Variants in MSH3 observed in about 807,000 individuals in gnomAD.
The protein encoded by MSH3 is mutS homolog 3, also known as DNA mismatch repair protein Msh3.
Under a neutral mutation model 123.3 loss-of-function variants are expected in MSH3, and 106 were observed. The ratio of observed to expected loss-of-function variants is 0.86; its 90% CI spans 0.73 to 1.01. The LOEUF (loss-of-function observed/expected upper bound fraction) is 1.01, where lower values mean the gene tolerates loss of function less well. MSH3 is among the 50% of genes least tolerant of loss of function. The probability of loss-of-function intolerance (pLI) is 0.00; values close to 1 mark genes in which losing one functional copy is unlikely to be tolerated. For missense variants in MSH3, 1,459 were observed against 1,347.6 expected (o/e 1.08, Z -1.29); for synonymous variants, 515 against 481.4 (o/e 1.07, Z -0.91).
At chr5:80,792,432 A>T (rs1744624388) in intron 18 of MSH3, among the ~76,000 whole-genome samples, 1 of 151,794 alleles carries the variant, frequency 6.6e-6, no homozygotes, top group African/African-American at 2.4e-5. Context: ...AAAAGAAAGA[A>T]AAGAAAAAAA....
At chr5:80,789,469 C>T (rs1744571291) in intron 18 of MSH3, among the ~76,000 whole-genome samples, 1 of 151,438 alleles carries the variant, frequency 6.6e-6, no homozygotes, top group East Asian at 2.0e-4. Context: ...CTCCCAGGTT[C>T]AAGGGATTCT....
At chr5:80,781,970 A>C (rs978148200) in intron 17 of MSH3, among the ~76,000 whole-genome samples, 1 of 152,198 alleles carries the variant, frequency 6.6e-6, no homozygotes, top group African/African-American at 2.4e-5. Flanking sequence ...AGTGAAGAAA[A>C]TCATGTAAAG....
At chr5:80,755,922 C>T (rs1743918740) in intron 12 of MSH3, among the ~76,000 whole-genome samples, 1 of 152,136 alleles carries the variant, frequency 6.6e-6, no homozygotes, top group South Asian at 2.1e-4. Flanking sequence ...ACAGGCCCTC[C>T]CTCATAGATT....
chr5:80,728,056 G>GGGA (rs1743335611), intron 9 of MSH3, among the ~76,000 whole-genome samples: 1 of 152,136 alleles, frequency 6.6e-6, no homozygotes, highest in South Asian at 2.1e-4. Flanking sequence ...GTAACTGATG[G>GGGA]GGAGAACATT....
intron 11 of MSH3, among the ~76,000 whole-genome samples, chr5:80,743,562 C>CAACTCAA (rs1479695787): frequency 8.4e-5 from 6 of 71,792 alleles, no homozygotes; most frequent in South Asian, 8.3e-4. Flanking sequence ...TAAAAAAACC[C>CAACTCAA]GGCCGGGCGC....
In MSH3 at chr5:80,672,841, C is replaced by G; in HGVS notation, c.1010C>G (p.Ser337Cys). 1.9e-6 allele frequency: 3 copies of G among 1,611,442 alleles called. No homozygotes were observed. The highest frequency in any genetic ancestry group is 2.5e-6 in the Non-Finnish European group (3 of 1,177,554). ...SRKLTALYTK[S>C]TLIGEDVNPL... ...AAATTGACTGCCCTTTATACAAAAT[C>G]TACACTTATTGGAGAAGATATCCTT... Residue 337 changes from serine to cysteine, a missense_variant, in exon 6 of 24, where the codon TCT becomes TGT. Transcript: ENST00000265081.
chr5:80,672,886 C>T (rs758255356), intron 6 of MSH3, 28 bp downstream of exon 6: 1 of 1,499,648 alleles, frequency 6.7e-7, no homozygotes, highest in South Asian at 1.1e-5. Context: ...GAGTTTTTCT[C>T]TTAAATGATA....
At chr5:80,725,048 A>G (rs1222651650) in intron 8 of MSH3, among the ~76,000 whole-genome samples, 1 of 151,810 alleles carries the variant, frequency 6.6e-6, no homozygotes, top group East Asian at 1.9e-4. Flanking sequence ...CCCCCTCTCT[A>G]CTAAAAATAC....
At chr5:80,741,687 CTT>C in intron 11 of MSH3, 139 bp downstream of exon 11, 2 of 702,788 alleles carry the variant, frequency 2.8e-6, no homozygotes, top group Non-Finnish European at 5.2e-6. Context: ...AACTGTAGCT[CTT>C]TTTGGAGAAT....
intron 15 of MSH3, among the ~76,000 whole-genome samples, chr5:80,771,517 T>C (rs1452341493): frequency 3.3e-5 from 5 of 151,990 alleles, no homozygotes; most frequent in African/African-American, 1.2e-4. Context: ...CTCAAATTAT[T>C]TAGAGGTACT....
At chr5:80,813,556 AT>A (rs1561486617) in intron 19 of MSH3, 27 bp from the exon 20 acceptor site, 3 of 1,613,396 alleles carry the variant, frequency 1.9e-6, no homozygotes, top group African/African-American at 2.7e-5. Context: ...TTCTGGTACA[AT>A]AAGTGAAATT....
intron 1 of MSH3, 159 bp downstream of exon 1, chr5:80,655,123 C>A: frequency 1.9e-6 from 1 of 520,190 alleles, no homozygotes; most frequent in Non-Finnish European, 3.3e-6. Context: ...GCCGGGGCTA[C>A]AAATTGGGTG....
intron 8 of MSH3, among the ~76,000 whole-genome samples, chr5:80,722,579 CGG>C (rs1465502067): frequency 6.6e-6 from 1 of 152,114 alleles, no homozygotes; most frequent in Admixed American, 6.5e-5. Flanking sequence ...GATGCTGGGC[CGG>C]GCCCCACCCA....
intron 2 of MSH3, among the ~76,000 whole-genome samples, chr5:80,664,108 A>G (rs1483367009): frequency 2.0e-5 from 3 of 152,222 alleles, no homozygotes; most frequent in Non-Finnish European, 4.4e-5. Context: ...AAAACTGCCA[A>G]TTGGCAGACT....
intron 10 of MSH3, among the ~76,000 whole-genome samples, chr5:80,740,662 ATG>A (rs769945962): frequency 6.7e-5 from 10 of 149,572 alleles, no homozygotes; most frequent in Non-Finnish European, 1.3e-4. Context: ...GCCTGGCCGC[ATG>A]TGTGTTGTTA....
In MSH3 at chr5:80,768,023, A is replaced by G. The variant is rs1580033845; in HGVS notation, c.1987A>G (p.Ile663Val). ...AATAATACCTGCTGTTAATTCCCACATTCAGTCAGACTTGCTCCGGACCGT... is the reference window on the plus strand; with the variant it reads ...AATAATACCTGCTGTTAATTCCCACGTTCAGTCAGACTTGCTCCGGACCGT... ...QAIIPAVNSHIQSDLLRTVIL... is the reference protein window; with the variant it reads ...QAIIPAVNSHVQSDLLRTVIL... The change falls in exon 14 of 24, where the codon ATT becomes GTT. Residue 663 changes from isoleucine to valine, a missense_variant. Coordinates refer to ENST00000265081, the MANE Select transcript of MSH3 (RefSeq NM_002439.5). 4 of 1,613,778 alleles carry G rather than the reference A, an allele frequency of 2.5e-6. No homozygotes were observed. The highest frequency in any genetic ancestry group is 3.4e-6 in the Non-Finnish European group (4 of 1,179,732).
chr5:80,798,599 G>T (rs1021361075), intron 19 of MSH3, among the ~76,000 whole-genome samples: 2 of 152,176 alleles, frequency 1.3e-5, no homozygotes, highest in Non-Finnish European at 2.9e-5. Context: ...AGATTCTGCT[G>T]TAAAGGTGTT....
At chr5:80,772,666 A>G (rs1015463925) in intron 15 of MSH3, among the ~76,000 whole-genome samples, 1 of 152,232 alleles carries the variant, frequency 6.6e-6, no homozygotes, top group African/African-American at 2.4e-5. Flanking sequence ...CTATTTTTCT[A>G]TGTTAGTTTT....
intron 8 of MSH3, among the ~76,000 whole-genome samples, chr5:80,708,025 T>C (rs1750760843): frequency 6.6e-6 from 1 of 152,240 alleles, no homozygotes. Flanking sequence ...GAATTCTTTA[T>C]ACATTCTGAA....
Sources: allele counts gnomAD v4.1 joint callset (sites outside exome capture counted in the v4.1 genomes callset), GRCh38; gene constraint gnomAD v4.1.1; transcripts MANE v1.5; gene names NCBI Gene and HGNC (gene_info 2026-07-23, HGNC 2026-07-21).